TXNRD3: variants seen among roughly 807,000 people sequenced by gnomAD.
TXNRD3 encodes the protein thioredoxin reductase 3.
TXNRD3 carries 68 observed loss-of-function variants against 78.2 expected under a neutral mutation model. The ratio of observed to expected loss-of-function variants is 0.87; its 90% CI spans 0.72 to 1.06. TXNRD3 has a LOEUF of 1.06. Ranked by LOEUF, TXNRD3 falls within the 50% of genes least tolerant of loss-of-function variation. TXNRD3 has a pLI of 0.00. For synonymous variants in TXNRD3, 296 were observed against 300.1 expected, an observed-to-expected ratio of 0.99 and a Z score of 0.14; for missense variants, 751 against 809.5, an observed-to-expected ratio of 0.93 and a Z score of 0.88.
chr3:126,644,081 G>A (rs141117067), intron 4 of TXNRD3, 28 bp from the exon 5 acceptor site: 12 of 1,532,550 alleles, frequency 7.8e-6, no homozygotes, highest in Admixed American at 4.0e-5. Context: ...CAAAAATTAC[G>A]TATAAAGATC....
chr3:126,615,333 A>G, intron 13 of TXNRD3, 22 bp downstream of exon 13: 1 of 1,208,690 alleles, frequency 8.3e-7, no homozygotes, highest in Non-Finnish European at 1.1e-6. Context: ...TTTTTTAAGG[A>G]AGTAATAAAA....
intron 6 of TXNRD3, among the ~76,000 whole-genome samples, chr3:126,641,286 C>T (rs1933079731): frequency 6.6e-6 from 1 of 152,102 alleles, no homozygotes; most frequent in Non-Finnish European, 1.5e-5. Flanking sequence ...GCTCATGCTC[C>T]TCTCCTGCTT....
intron 10 of TXNRD3, 141 bp from the exon 11 acceptor site, chr3:126,622,681 G>A: frequency 1.6e-6 from 1 of 639,306 alleles, no homozygotes. Flanking sequence ...GACAGCTTAA[G>A]GTGAAATAGA....
chr3:126,633,541 A>G (rs1169798965), intron 7 of TXNRD3, among the ~76,000 whole-genome samples: 1 of 152,198 alleles, frequency 6.6e-6, no homozygotes, highest in Non-Finnish European at 1.5e-5. Context: ...TTTTATGAAT[A>G]ATATAATATT....
intron 5 of TXNRD3, among the ~76,000 whole-genome samples, chr3:126,642,749 C>T (rs1317532216): frequency 3.3e-5 from 5 of 152,150 alleles, no homozygotes. Context: ...TCACACACCA[C>T]AAGAACATTA....
intron 12 of TXNRD3, among the ~76,000 whole-genome samples, chr3:126,620,539 A>G (rs1301492263): frequency 1.3e-5 from 2 of 152,218 alleles, no homozygotes; most frequent in Non-Finnish European, 2.9e-5. Context: ...TGAACTACAC[A>G]TACACATATT....
chr3:126,624,484 G>A (rs1938531949), intron 10 of TXNRD3, among the ~76,000 whole-genome samples: 1 of 151,410 alleles, frequency 6.6e-6, no homozygotes, highest in African/African-American at 2.4e-5. Flanking sequence ...GCAGTGGCGT[G>A]ATCTCGGCTC....
intron 1 of TXNRD3, among the ~76,000 whole-genome samples, chr3:126,652,443 A>C (rs1933413208): frequency 6.6e-6 from 1 of 152,202 alleles, no homozygotes; most frequent in South Asian, 2.1e-4. Flanking sequence ...CAATCCCATA[A>C]AAAGAGTGAA....
At chr3:126,639,521 G>A (rs528663818) in intron 6 of TXNRD3, among the ~76,000 whole-genome samples, 7 of 152,198 alleles carry the variant, frequency 4.6e-5, no homozygotes, top group African/African-American at 1.7e-4. Flanking sequence ...TGTTCCCAAG[G>A]CACCTGAAGT....
At chr3:126,610,102 T>C (rs1938161943) in intron 14 of TXNRD3, among the ~76,000 whole-genome samples, 1 of 152,124 alleles carries the variant, frequency 6.6e-6, no homozygotes, top group Admixed American at 6.5e-5. Flanking sequence ...ACCAACAGAC[T>C]AAGCCCTAGA....
rs538994067 is a variant in TXNRD3, at chr3:126,612,235, G to A, written c.1633-1103C>T. On this transcript the variant is annotated intron_variant, in intron 13 of 15. Transcript: ENST00000524230. ...GTATTTTCTGTAGAGATGGGGTGTC[G>A]CCATGTTGCCCCAGCTTGTCTCGAA... Among the ~76,000 whole-genome samples the A allele has an allele frequency of 4.6e-5, 7 of 152,010 alleles. No homozygotes were observed. The East Asian group carries it at 7.8e-4, about 17-fold the overall frequency.
Position 126,655,033 on chromosome 3 carries a change from C to T in TXNRD3, c.-43G>A. The T allele has an allele frequency of 1.5e-6, 2 of 1,292,406 alleles. No homozygotes were observed. The highest frequency in any genetic ancestry group is 2.0e-6 in the Non-Finnish European group (2 of 1,021,456). 80.1% of individuals were successfully genotyped at this position (1,292,406 alleles called of 1,614,324 possible). On this transcript the variant is annotated 5_prime_UTR_variant, in exon 1 of 16. Transcript: ENST00000524230. ...TGGCCCGGCCGGGCCTGCTCACAAA[C>T]CGAAACGCAGGCGGCTGCGGCGCCG... is the stretch of plus-strand genomic sequence containing the variant.
At chr3:126,646,071 T>C (rs1351336069) in intron 3 of TXNRD3, 40 bp downstream of exon 3, 12 of 1,421,584 alleles carry the variant, frequency 8.4e-6, no homozygotes, top group Non-Finnish European at 1.1e-5. Flanking sequence ...TTTTAAAATA[T>C]GAACAAACAG....
Position 126,631,767 on chromosome 3 carries a change from G to GTT in TXNRD3, c.967_968insAA (p.Thr323LysfsTer17). ...AAAATAGTCTATTTAACCTTACCTA[G>GTT]TAATACAGTATTCTTTATCTCCTTG... On this transcript the variant is annotated frameshift_variant, in exon 8 of 16. Coordinates refer to ENST00000524230, the MANE Select transcript of TXNRD3 (RefSeq NM_052883.3). LOFTEE classifies it high-confidence loss of function. 6.6e-7 allele frequency: 1 copy of GTT among 1,517,698 alleles called. No homozygotes were observed. Among genetic ancestry groups the GTT allele is most frequent in the South Asian group, 1.2e-5 (1 of 83,670 alleles). The allele number at this position is 1,517,698 out of a possible 1,614,324, so 94.0% of individuals were successfully genotyped here. A position where few individuals can be genotyped will look rare whatever the true frequency, so the allele number is the denominator to read the frequency against.
At chr3:126,622,122 A>G (rs1438968171) in intron 11 of TXNRD3, among the ~76,000 whole-genome samples, 1 of 152,218 alleles carries the variant, frequency 6.6e-6, no homozygotes, top group Non-Finnish European at 1.5e-5. Flanking sequence ...CTGGATGCCA[A>G]GGATATCTAT....
At chr3:126,639,245 A>G (rs1341392424) in intron 6 of TXNRD3, among the ~76,000 whole-genome samples, 4 of 152,234 alleles carry the variant, frequency 2.6e-5, no homozygotes, top group Non-Finnish European at 4.4e-5. Context: ...CATTTGATTC[A>G]GTTAGTGCTC....
intron 12 of TXNRD3, among the ~76,000 whole-genome samples, chr3:126,619,435 T>C (rs1237666046): frequency 6.6e-6 from 1 of 152,240 alleles, no homozygotes; most frequent in Non-Finnish European, 1.5e-5. Flanking sequence ...GAAGACATTG[T>C]ATTAAGTGAA....
intron 6 of TXNRD3, among the ~76,000 whole-genome samples, chr3:126,640,744 A>G (rs2107624381): frequency 6.6e-6 from 1 of 152,210 alleles, no homozygotes; most frequent in Admixed American, 6.5e-5. Context: ...ACCAGACTTC[A>G]GTCTTTGCTC....
intron 10 of TXNRD3, among the ~76,000 whole-genome samples, chr3:126,628,441 C>T (rs1270660729): frequency 6.6e-6 from 1 of 151,952 alleles, no homozygotes; most frequent in African/African-American, 2.4e-5. Context: ...CTGAAACAAT[C>T]TAAGGATAAA....
Sources: gnomAD v4.1 joint callset for allele counts (sites outside exome capture counted in the v4.1 genomes callset) on GRCh38, gnomAD v4.1.1 for gene constraint, MANE v1.5 for transcripts, NCBI Gene and HGNC (gene_info 2026-07-23, HGNC 2026-07-21) for gene names.